PAK5: variants seen among roughly 807,000 people sequenced by gnomAD.
PAK5 encodes p21 (RAC1) activated kinase 5.
A neutral mutation model predicts 65.9 loss-of-function variants in PAK5; 16 were observed. The ratio of observed to expected loss-of-function variants is 0.24; its 90% CI spans 0.16 to 0.37. The LOEUF (loss-of-function observed/expected upper bound fraction) is 0.37, where lower values mean the gene tolerates loss of function less well. PAK5 is among the 10% of genes least tolerant of loss of function. The pLI, the probability that PAK5 is intolerant of heterozygous loss-of-function variation, is 1.00. For missense variants in PAK5, 785 were observed against 903.9 expected (o/e 0.87, Z 1.69); for synonymous variants, 371 against 354.9 (o/e 1.05, Z -0.51).
chr20:9,595,090 C>T (rs2046239488), intron 3 of PAK5, among the ~76,000 whole-genome samples: 1 of 150,340 alleles, frequency 6.7e-6, no homozygotes, highest in African/African-American at 2.5e-5. Context: ...TATATATATA[C>T]ACATATACAT....
chr20:9,766,285 T>A (rs1476813267), intron 1 of PAK5, among the ~76,000 whole-genome samples: 2 of 146,164 alleles, frequency 1.4e-5, no homozygotes, highest in African/African-American at 2.5e-5. Context: ...ATATTCTAAT[T>A]GAATATATAT....
At chr20:9,742,689 C>T (rs1401311837) in intron 1 of PAK5, among the ~76,000 whole-genome samples, 1 of 152,152 alleles carries the variant, frequency 6.6e-6, no homozygotes, top group East Asian at 1.9e-4. Context: ...AATTGGTTAT[C>T]TGGATTTATC....
intron 4 of PAK5, among the ~76,000 whole-genome samples, chr20:9,573,184 A>T (rs2045822197): frequency 6.6e-6 from 1 of 151,612 alleles, no homozygotes; most frequent in Non-Finnish European, 1.5e-5. Flanking sequence ...TTAATTCTTT[A>T]AAAAATGTGC....
intron 1 of PAK5, among the ~76,000 whole-genome samples, chr20:9,837,675 C>A (rs1979255447): frequency 6.6e-6 from 1 of 152,012 alleles, no homozygotes; most frequent in Admixed American, 6.6e-5. Flanking sequence ...CTCCAAGCCC[C>A]AGAAGAGAAG....
intron 1 of PAK5, among the ~76,000 whole-genome samples, chr20:9,788,660 G>T (rs1465488770): frequency 6.6e-6 from 1 of 152,238 alleles, no homozygotes; most frequent in East Asian, 1.9e-4. Flanking sequence ...CCAAGCCACT[G>T]TTGTACTTTC....
chr20:9,600,695 T>C (rs2046344209), intron 3 of PAK5, among the ~76,000 whole-genome samples: 2 of 152,248 alleles, frequency 1.3e-5, no homozygotes, highest in Admixed American at 6.5e-5. Context: ...ACCTTTCTTA[T>C]CTGCAAAACA....
At chr20:9,771,580 T>A (rs1026492908) in intron 1 of PAK5, among the ~76,000 whole-genome samples, 1 of 113,024 alleles carries the variant, frequency 8.8e-6, no homozygotes, top group Non-Finnish European at 1.8e-5. Flanking sequence ...GTCAATTTTT[T>A]AATTTTTTTT....
intron 3 of PAK5, among the ~76,000 whole-genome samples, chr20:9,582,869 T>G (rs975989013): frequency 3.3e-5 from 5 of 152,202 alleles, no homozygotes; most frequent in African/African-American, 9.6e-5. Flanking sequence ...GCCTTGTTGC[T>G]CAAATGGTTC....
chr20:9,620,568 T>C (rs219865), intron 3 of PAK5, among the ~76,000 whole-genome samples: 137,771 of 152,238 alleles, frequency 0.9, 62,458 homozygotes, highest in East Asian at 0.99. Flanking sequence ...GGGGAAGAGG[T>C]TGCGCTCTAG....
chr20:9,585,383 T>A (rs2046051175), intron 3 of PAK5, among the ~76,000 whole-genome samples: 1 of 152,214 alleles, frequency 6.6e-6, no homozygotes, highest in Non-Finnish European at 1.5e-5. Context: ...GTCTCCTTTC[T>A]CCCAGTCTAG....
At chr20:9,813,990 AT>A (rs1819957745) in intron 1 of PAK5, among the ~76,000 whole-genome samples, 1 of 152,202 alleles carries the variant, frequency 6.6e-6, no homozygotes, top group Non-Finnish European at 1.5e-5. Context: ...TTAACTGGCT[AT>A]TTTAGGATGA....
At chr20:9,548,273 G>C (rs1004635662) in intron 7 of PAK5, among the ~76,000 whole-genome samples, 3 of 151,906 alleles carry the variant, frequency 2.0e-5, no homozygotes, top group African/African-American at 4.8e-5. Flanking sequence ...TTTTTTTGAT[G>C]ATTTTTCTTG....
In PAK5 at chr20:9,667,595, TG is replaced by T. The variant is rs150945014; in HGVS notation, c.-11-23257del. Among the ~76,000 whole-genome samples, 1,321 of 152,122 alleles carry T rather than the reference TG, an allele frequency of 8.7e-3. 15 individuals carry two copies. Among genetic ancestry groups the T allele is most frequent in the African/African-American group, 0.031 (1,269 of 41,406 alleles). ...AGTTCATCTTCTAGTTGCATACCAC[TG>T]GGGAAGCTCTAATAATACCCTGTGG... On this transcript the variant is annotated intron_variant, in intron 2 of 9. Transcript: ENST00000353224.
Position 9,542,770 on chromosome 20 carries a change from A to G in PAK5, c.1870-50T>C, listed in dbSNP as rs200238948. ...TCTCAGGCAAGGAGAACATTCTGAA[A>G]TGTCAAGTGTGTCCACAGAACCTCA... On this transcript the variant is annotated intron_variant, in intron 8 of 9. Coordinates refer to ENST00000353224, the MANE Select transcript of PAK5 (RefSeq NM_177990.4). 8.2e-5 allele frequency: 129 copies of G among 1,566,366 alleles called. 1 individual carries two copies. Among genetic ancestry groups the G allele is most frequent in the Admixed American group, 3.7e-4 (22 of 58,824 alleles).
chr20:9,597,956 A>C (rs1181746829), intron 3 of PAK5, among the ~76,000 whole-genome samples: 2 of 151,868 alleles, frequency 1.3e-5, no homozygotes, highest in Non-Finnish European at 2.9e-5. Flanking sequence ...AACAGTTTTT[A>C]AAAAAATTTA....
intron 5 of PAK5, among the ~76,000 whole-genome samples, chr20:9,565,573 C>A (rs1408984577): frequency 6.6e-6 from 1 of 152,120 alleles, no homozygotes; most frequent in African/African-American, 2.4e-5. Context: ...CCTGCTTGAC[C>A]CTGAGCCGGA....
intron 3 of PAK5, among the ~76,000 whole-genome samples, chr20:9,595,138 GA>G (rs959506866): frequency 1.3e-5 from 2 of 150,764 alleles, no homozygotes; most frequent in African/African-American, 4.9e-5. Flanking sequence ...GAGAGAGAGA[GA>G]TAGTATCAAA....
intron 1 of PAK5, among the ~76,000 whole-genome samples, chr20:9,748,962 G>T (rs558034549): frequency 6.6e-6 from 1 of 152,216 alleles, no homozygotes; most frequent in South Asian, 2.1e-4. Flanking sequence ...CCCTGTTCCT[G>T]CCAGTATCCT....
intron 2 of PAK5, among the ~76,000 whole-genome samples, chr20:9,666,176 T>C (rs2047414456): frequency 6.6e-6 from 1 of 152,088 alleles, no homozygotes; most frequent in Admixed American, 6.6e-5. Context: ...AAGAATCCGA[T>C]ATAACTTTAC....
Sources: gnomAD v4.1 joint callset for allele counts (sites outside exome capture counted in the v4.1 genomes callset) on GRCh38, gnomAD v4.1.1 for gene constraint, MANE v1.5 for transcripts, NCBI Gene and HGNC (gene_info 2026-07-23, HGNC 2026-07-21) for gene names.